ATP6V1H: variants seen among roughly 807,000 people sequenced by gnomAD.
The protein encoded by ATP6V1H is ATPase H+ transporting V1 subunit H.
A neutral mutation model predicts 71.7 loss-of-function variants in ATP6V1H; 39 were observed. The observed-to-expected ratio is 0.54, with a 90% CI of 0.42 to 0.71. The LOEUF (loss-of-function observed/expected upper bound fraction) is 0.71. ATP6V1H is among the 30% of genes least tolerant of loss of function. ATP6V1H has a pLI of 0.00. For missense variants in ATP6V1H, 509 were observed against 594.9 expected, an observed-to-expected ratio of 0.86 and a Z score of 1.50; for synonymous variants, 192 against 199.3, an observed-to-expected ratio of 0.96 and a Z score of 0.31.
chr8:53,744,832 T>C (rs1807544980), intron 12 of ATP6V1H, among the ~76,000 whole-genome samples: 1 of 151,984 alleles, frequency 6.6e-6, no homozygotes, highest in African/African-American at 2.4e-5. Context: ...AGCTCAGCCA[T>C]TTATCAAACA....
rs527781146 is a variant in ATP6V1H at position 53,805,719 on chromosome 8, T to TA, written c.580-3824dup. ...TGTACAAGAATGTTCACAGCAAAATTATTCACAAGAGTCAAAAAACTAGAA... is the reference window on the plus strand; with the variant it reads ...TGTACAAGAATGTTCACAGCAAAATTAATTCACAAGAGTCAAAAAACTAGAA... On this transcript the variant is annotated intron_variant, in intron 7 of 13. Transcript: ENST00000359530. Among the ~76,000 whole-genome samples the TA allele has an allele frequency of 2.2e-3, 336 of 152,252 alleles. 2 individuals carry two copies. Among genetic ancestry groups the TA allele is most frequent in the African/African-American group, 7.8e-3 (325 of 41,544 alleles).
intron 13 of ATP6V1H, among the ~76,000 whole-genome samples, chr8:53,717,278 A>G (rs1806456713): frequency 6.6e-6 from 1 of 152,238 alleles, no homozygotes; most frequent in Non-Finnish European, 1.5e-5. Context: ...AAGCACTGGG[A>G]ATGAGGACAA....
At chr8:53,729,279 G>C (rs1475108734) in intron 13 of ATP6V1H, among the ~76,000 whole-genome samples, 1 of 152,134 alleles carries the variant, frequency 6.6e-6, no homozygotes, top group Non-Finnish European at 1.5e-5. Flanking sequence ...TGGAAGAGAG[G>C]AAGAAGAAAA....
chr8:53,727,556 C>G (rs914545102), intron 13 of ATP6V1H, among the ~76,000 whole-genome samples: 1 of 152,220 alleles, frequency 6.6e-6, no homozygotes, highest in African/African-American at 2.4e-5. Flanking sequence ...AAAGCATGCG[C>G]TCTTCTCCTA....
chr8:53,833,144 T>C (rs577053321), intron 2 of ATP6V1H, 58 bp from the exon 3 acceptor site: 2 of 1,395,508 alleles, frequency 1.4e-6, no homozygotes, highest in East Asian at 2.3e-5. Flanking sequence ...AAGCAAGCGA[T>C]AGAGGAATTT....
chr8:53,815,833 G>A (rs532587791), intron 5 of ATP6V1H, among the ~76,000 whole-genome samples: 5 of 152,308 alleles, frequency 3.3e-5, no homozygotes, highest in African/African-American at 9.6e-5. Flanking sequence ...GCTAGCATAA[G>A]CTCTTTATCA....
At chr8:53,765,726 T>C (rs1808437779) in intron 11 of ATP6V1H, among the ~76,000 whole-genome samples, 10 of 152,196 alleles carry the variant, frequency 6.6e-5, no homozygotes, top group Admixed American at 6.5e-4. Flanking sequence ...ACAGATTCAA[T>C]GCAATCCCAA....
chr8:53,811,229 T>C lies in ATP6V1H; in HGVS notation c.526-12A>G, dbSNP rs1187810188. 14 of 1,611,308 alleles carry C rather than the reference T, an allele frequency of 8.7e-6. No individual in the cohort carries two copies. Among genetic ancestry groups the C allele is most frequent in the Non-Finnish European group, 1.2e-5 (14 of 1,177,756 alleles). ...CTACCACGCAGTTTCTATTACGAAA[T>C]AAATAACTCATTATTTAGTTTTGTT... On this transcript the variant is annotated splice_polypyrimidine_tract_variant and intron_variant, in intron 6 of 13. Transcript: ENST00000359530.
In ATP6V1H at chr8:53,715,996, C is replaced by T. The variant is rs374452313; in HGVS notation, c.1420G>A (p.Glu474Lys). 1.4e-5 allele frequency: 23 copies of T among 1,606,722 alleles called. 1 individual carries two copies. The highest frequency in any genetic ancestry group is 1.4e-4 in the South Asian group (12 of 88,790). Residue 474 changes from glutamate to lysine, a missense_variant, in exon 14 of 14, where the codon GAG becomes AAG. Coordinates refer to ENST00000359530, the MANE Select transcript of ATP6V1H (RefSeq NM_015941.4). Reference sequence around the variant, plus strand: ...CGGGCGGCAGCGGTCTGGGGCTGCTCGGACTGGAGCTGCTTGCCAAGGTAT... The same window carrying T: ...CGGGCGGCAGCGGTCTGGGGCTGCTTGGACTGGAGCTGCTTGCCAAGGTAT... ...WEYLGKQLQS[E>K]QPQTAAARS
At chr8:53,737,253 C>T (rs984509058) in intron 13 of ATP6V1H, among the ~76,000 whole-genome samples, 2 of 152,162 alleles carry the variant, frequency 1.3e-5, no homozygotes, top group East Asian at 1.9e-4. Context: ...TTGTGTGCTA[C>T]GCCTTTATTT....
At chr8:53,766,358 C>T (rs1039040133) in intron 11 of ATP6V1H, among the ~76,000 whole-genome samples, 2 of 152,232 alleles carry the variant, frequency 1.3e-5, no homozygotes, top group Admixed American at 6.5e-5. Flanking sequence ...AATTTAATCT[C>T]TTAATCCTGT....
At chr8:53,731,353 A>G (rs1205340459) in intron 13 of ATP6V1H, among the ~76,000 whole-genome samples, 1 of 152,188 alleles carries the variant, frequency 6.6e-6, no homozygotes, top group East Asian at 1.9e-4. Context: ...AAGCTAAAGA[A>G]AGGCAAAAAT....
intron 9 of ATP6V1H, among the ~76,000 whole-genome samples, chr8:53,775,153 T>C (rs1286666920): frequency 6.6e-6 from 1 of 151,948 alleles, no homozygotes; most frequent in African/African-American, 2.4e-5. Flanking sequence ...CTGCAGACCT[T>C]CGCGGTGAGT....
chr8:53,792,863 A>G lies in ATP6V1H; in HGVS notation c.870+2784T>C, dbSNP rs1233169917. ...AGCATGATGGTTAAAAGCACGCATC[A>G]TATTGCCTGAGTTTAAATCCCTGGT... On this transcript the variant is annotated intron_variant, in intron 9 of 13. Transcript: ENST00000359530. 2.6e-5 allele frequency among the ~76,000 whole-genome samples: 4 copies of G among 152,266 alleles called. No individual in the cohort carries two copies. The South Asian group carries it at 6.2e-4, about 24-fold the overall frequency.
intron 13 of ATP6V1H, among the ~76,000 whole-genome samples, chr8:53,743,314 T>G (rs1338394323): frequency 6.6e-6 from 1 of 152,234 alleles, no homozygotes; most frequent in East Asian, 1.9e-4. Context: ...GACTGACTTA[T>G]GTCACAGGGT....
chr8:53,756,378 G>A (rs949233034), intron 12 of ATP6V1H, 177 bp downstream of exon 12: 31 of 496,294 alleles, frequency 6.2e-5, no homozygotes, highest in South Asian at 5.4e-4. Flanking sequence ...CACTGCAACC[G>A]GCCTATACTA....
chr8:53,731,551 T>G (rs1031023400), intron 13 of ATP6V1H, among the ~76,000 whole-genome samples: 1 of 152,198 alleles, frequency 6.6e-6, no homozygotes, highest in Non-Finnish European at 1.5e-5. Context: ...ACGTACCCCA[T>G]GCTTGCTCAA....
intron 9 of ATP6V1H, among the ~76,000 whole-genome samples, chr8:53,775,026 C>T (rs761630369): frequency 2.0e-5 from 3 of 152,128 alleles, no homozygotes; most frequent in Non-Finnish European, 2.9e-5. Flanking sequence ...CGCGGACCCT[C>T]GCGGTGTTAC....
At chr8:53,778,007 T>A (rs1380023578) in intron 9 of ATP6V1H, among the ~76,000 whole-genome samples, 1 of 152,220 alleles carries the variant, frequency 6.6e-6, no homozygotes, top group Non-Finnish European at 1.5e-5. Flanking sequence ...AACCCTGTAT[T>A]GTAGGGCTTA....
Sources: gnomAD v4.1 joint callset for allele counts (sites outside exome capture counted in the v4.1 genomes callset) on GRCh38, gnomAD v4.1.1 for gene constraint, MANE v1.5 for transcripts, NCBI Gene and HGNC (gene_info 2026-07-23, HGNC 2026-07-21) for gene names.